CORIN: variants seen among roughly 807,000 people sequenced by gnomAD.
CORIN encodes corin, serine peptidase, also known as atrial natriuretic peptide-converting enzyme.
CORIN carries 117 observed loss-of-function variants against 125.3 expected under a neutral mutation model. The observed-to-expected ratio is 0.93, with a 90% confidence interval of 0.80 to 1.09. The LOEUF (loss-of-function observed/expected upper bound fraction) is 1.09. Among genes scored for constraint, CORIN ranks in the 50% least tolerant of loss-of-function variants. The pLI is 0.00. For synonymous variants in CORIN, 450 were observed against 466.4 expected (o/e 0.96, Z 0.45); for missense variants, 1,253 against 1,306.7 (o/e 0.96, Z 0.63).
chr4:47,825,707 T>TG (rs1431852548), intron 1 of CORIN, among the ~76,000 whole-genome samples: 1 of 148,064 alleles, frequency 6.8e-6, no homozygotes, highest in African/African-American at 2.5e-5. Flanking sequence ...CTTTTTTTTT[T>TG]TTTTTTTTTT....
chr4:47,650,336 T>C (rs1723683824), intron 13 of CORIN, among the ~76,000 whole-genome samples: 1 of 152,250 alleles, frequency 6.6e-6, no homozygotes, highest in Admixed American at 6.5e-5. Flanking sequence ...ATTTTGATTC[T>C]GTGTTCATGT....
At chr4:47,766,476 G>A (rs920586589) in intron 3 of CORIN, among the ~76,000 whole-genome samples, 14 of 152,216 alleles carry the variant, frequency 9.2e-5, no homozygotes, top group Admixed American at 3.9e-4. Flanking sequence ...TATCCAGAAT[G>A]TCGTCACATG....
chr4:47,683,607 A>G (rs1725383164), intron 7 of CORIN, 124 bp downstream of exon 7: 2 of 668,144 alleles, frequency 3.0e-6, no homozygotes, highest in Admixed American at 6.3e-5. Context: ...CTTCTAAAAA[A>G]CAAGAAACCA....
Position 47,623,096 on chromosome 4 carries a change from C to CTATA in CORIN, c.2540+471_2540+474dup, listed in dbSNP as rs1553904935. On this transcript the variant is annotated intron_variant, in intron 19 of 21. Transcript: ENST00000273857. ...TCTCTCTCTCTCTCTCTCTCTCTCT[C>CTATA]TATATATATATATATATATATACAC... is the stretch of plus-strand genomic sequence containing the variant. Among the ~76,000 whole-genome samples, 513 of 102,242 alleles carry CTATA rather than the reference C, an allele frequency of 5.0e-3. 5 individuals are homozygous for CTATA. Among genetic ancestry groups the CTATA allele is most frequent in the South Asian group, 0.017 (46 of 2,640 alleles). The allele number at this position is 102,242 out of a possible 152,430, so 67.1% of individuals were successfully genotyped here. A position where few individuals can be genotyped will look rare whatever the true frequency, so the allele number is the denominator to read the frequency against.
intron 13 of CORIN, chr4:47,652,860 G>A (rs1723796677): frequency 6.6e-6 from 1 of 152,146 alleles, no homozygotes; most frequent in South Asian, 2.1e-4. Context: ...TAGCAACATG[G>A]GAAGCATACG....
intron 4 of CORIN, among the ~76,000 whole-genome samples, chr4:47,750,200 G>A (rs1728837541): frequency 6.6e-6 from 1 of 152,198 alleles, no homozygotes; most frequent in Non-Finnish European, 1.5e-5. Context: ...CATATAAGAG[G>A]TTAGGCTTAG....
intron 19 of CORIN, among the ~76,000 whole-genome samples, chr4:47,621,460 C>G (rs1202041659): frequency 6.6e-6 from 1 of 152,212 alleles, no homozygotes; most frequent in Non-Finnish European, 1.5e-5. Context: ...ATTACGCCAA[C>G]TACACTTTGT....
intron 9 of CORIN, among the ~76,000 whole-genome samples, chr4:47,675,066 T>G (rs1724953183): frequency 6.6e-6 from 1 of 152,228 alleles, no homozygotes; most frequent in Non-Finnish European, 1.5e-5. Context: ...CTAGCTGTGA[T>G]GACTTGAGAA....
intron 16 of CORIN, among the ~76,000 whole-genome samples, chr4:47,633,617 C>T (rs752274873): frequency 3.3e-5 from 5 of 152,068 alleles, no homozygotes; most frequent in Admixed American, 6.5e-5. Flanking sequence ...CTCCTTTTTT[C>T]GAGAACTTGA....
chr4:47,687,980 T>C (rs1725593498), intron 6 of CORIN, among the ~76,000 whole-genome samples: 1 of 152,126 alleles, frequency 6.6e-6, no homozygotes. Context: ...TGCAGGGTAG[T>C]TTGTTTAGCA....
chr4:47,667,221 AG>A (rs772001179), intron 10 of CORIN, among the ~76,000 whole-genome samples: 3 of 152,182 alleles, frequency 2.0e-5, no homozygotes, highest in Non-Finnish European at 1.5e-5. Context: ...AGGCCTCCCC[AG>A]TCATGTGGAA....
At chr4:47,807,083 T>C (rs1033830703) in intron 1 of CORIN, 36 bp from the exon 2 acceptor site, 1 of 1,555,390 alleles carries the variant, frequency 6.4e-7, no homozygotes, top group Non-Finnish European at 8.8e-7. Flanking sequence ...ATGGTTTTAG[T>C]TTTACAATAC....
intron 13 of CORIN, among the ~76,000 whole-genome samples, chr4:47,653,072 C>T (rs1024418684): frequency 6.6e-6 from 1 of 152,156 alleles, no homozygotes; most frequent in African/African-American, 2.4e-5. Flanking sequence ...AATGTTGGCA[C>T]AATACAATAA....
intron 2 of CORIN, among the ~76,000 whole-genome samples, chr4:47,797,741 C>T (rs188833265): frequency 8.1e-4 from 123 of 152,130 alleles, no homozygotes; most frequent in African/African-American, 2.8e-3. Flanking sequence ...TTCTTTACTA[C>T]TATAATGAAC....
intron 5 of CORIN, among the ~76,000 whole-genome samples, chr4:47,701,068 T>C (rs904054431): frequency 1.3e-5 from 2 of 152,160 alleles, no homozygotes; most frequent in African/African-American, 2.4e-5. Context: ...ATATGATAGG[T>C]GGTTGGTAAA....
intron 20 of CORIN, among the ~76,000 whole-genome samples, chr4:47,602,580 A>G (rs1721489332): frequency 6.6e-6 from 1 of 152,128 alleles, no homozygotes; most frequent in Admixed American, 6.5e-5. Context: ...TGTCTCTATC[A>G]TTGGGCTATC....
intron 2 of CORIN, among the ~76,000 whole-genome samples, chr4:47,805,444 C>A (rs186757840): frequency 7.8e-4 from 119 of 152,210 alleles, no homozygotes; most frequent in Non-Finnish European, 3.8e-4. Context: ...GTCTTGATTT[C>A]TGTTGATTTT....
Position 47,703,685 on chromosome 4 carries a change from A to G in CORIN, c.800-10602T>C, listed in dbSNP as rs887398520. 2.0e-5 allele frequency among the ~76,000 whole-genome samples: 3 copies of G among 152,236 alleles called. No homozygotes were observed. In the East Asian group the frequency reaches 5.8e-4, roughly 29 times the overall value. ...CCGAGCACCAAATCAGGTAAGGCCC[A>G]GTATGTTCTGTTTACTAAGGCTGGG... is the stretch of plus-strand genomic sequence containing the variant. On this transcript the variant is annotated intron_variant, in intron 5 of 21. Coordinates refer to ENST00000273857, the MANE Select transcript of CORIN (RefSeq NM_006587.4).
At position 47,607,387 on chromosome 4, in the gene CORIN, G is replaced by A. The variant is rs181515766; in HGVS notation, c.2541-3719C>T. Among the ~76,000 whole-genome samples the A allele has an allele frequency of 2.2e-3, 325 of 149,346 alleles. 3 individuals are homozygous for A. The highest frequency in any genetic ancestry group is 6.9e-3 in the Middle Eastern group (2 of 290). On this transcript the variant is annotated intron_variant, in intron 19 of 21. Coordinates refer to ENST00000273857, the MANE Select transcript of CORIN (RefSeq NM_006587.4). The stretch of plus-strand genomic sequence containing the variant: ...CGCGCCACTGCACTCCAGCCTGGGC[G>A]ACAGAGTGAGACTCCATCTCAAAAA...
Sources: allele counts gnomAD v4.1 joint callset (sites outside exome capture counted in the v4.1 genomes callset), GRCh38; gene constraint gnomAD v4.1.1; transcripts MANE v1.5; gene names NCBI Gene and HGNC (gene_info 2026-07-23, HGNC 2026-07-21).